AGBL4: variants seen among roughly 807,000 people sequenced by gnomAD.
The protein encoded by AGBL4 is cytosolic carboxypeptidase 6.
A neutral mutation model predicts 66.4 loss-of-function variants in AGBL4; 58 were observed. The observed-to-expected ratio is 0.87, with a 90% CI of 0.71 to 1.09. The LOEUF is 1.09. Among genes scored for constraint, AGBL4 ranks in the 50% least tolerant of loss-of-function variants. The pLI is 0.00. For missense variants in AGBL4, 579 were observed against 631.0 expected (o/e 0.92, Z 0.88); for synonymous variants, 234 against 222.9 (o/e 1.05, Z -0.44).
chr1:48,611,584 T>C (rs576429136), intron 9 of AGBL4, among the ~76,000 whole-genome samples: 2 of 152,338 alleles, frequency 1.3e-5, no homozygotes, highest in South Asian at 2.1e-4. Flanking sequence ...CAGCAATTCT[T>C]ACCATAGAAT....
chr1:48,836,012 C>T (rs1332091483), intron 6 of AGBL4, among the ~76,000 whole-genome samples: 1 of 151,960 alleles, frequency 6.6e-6, no homozygotes, highest in East Asian at 1.9e-4. Flanking sequence ...CAGAAATGAC[C>T]ACATGTACTG....
chr1:48,846,009 G>A (rs77572445), intron 6 of AGBL4, among the ~76,000 whole-genome samples: 1 of 152,160 alleles, frequency 6.6e-6, no homozygotes, highest in Non-Finnish European at 1.5e-5. Flanking sequence ...GGCCAATGTG[G>A]TAGGAAGTCC....
At chr1:49,261,569 A>G (rs1305349597) in intron 3 of AGBL4, among the ~76,000 whole-genome samples, 1 of 151,652 alleles carries the variant, frequency 6.6e-6, no homozygotes, top group Non-Finnish European at 1.5e-5. Context: ...ATTGCTTCAA[A>G]GAGAATAAAA....
At chr1:49,564,101 G>T (rs868680323) in intron 3 of AGBL4, among the ~76,000 whole-genome samples, 1 of 152,140 alleles carries the variant, frequency 6.6e-6, no homozygotes, top group Non-Finnish European at 1.5e-5. Flanking sequence ...GTGCGTAGAG[G>T]TGTTTATAGT....
At chr1:49,559,919 C>A (rs1485359632) in intron 3 of AGBL4, among the ~76,000 whole-genome samples, 1 of 152,064 alleles carries the variant, frequency 6.6e-6, no homozygotes. Context: ...ATACATGTAT[C>A]CTATTACTTC....
chr1:49,821,261 T>C (rs1645363235), intron 2 of AGBL4, among the ~76,000 whole-genome samples: 1 of 152,216 alleles, frequency 6.6e-6, no homozygotes, highest in Admixed American at 6.5e-5. Flanking sequence ...ATATTCAAAA[T>C]GTATCCTCAT....
chr1:49,618,861 G>A (rs1571186360), intron 3 of AGBL4, among the ~76,000 whole-genome samples: 1 of 152,164 alleles, frequency 6.6e-6, no homozygotes, highest in East Asian at 1.9e-4. Context: ...CAGAAGCAAT[G>A]ACAAAAATAC....
intron 1 of AGBL4, among the ~76,000 whole-genome samples, chr1:49,932,306 C>T (rs1653447617): frequency 6.6e-6 from 1 of 150,672 alleles, no homozygotes; most frequent in African/African-American, 2.4e-5. Flanking sequence ...TGTTCACATG[C>T]AAAAAGAAAA....
At chr1:49,601,699 A>C (rs1458993896) in intron 3 of AGBL4, among the ~76,000 whole-genome samples, 1 of 152,214 alleles carries the variant, frequency 6.6e-6, no homozygotes, top group Non-Finnish European at 1.5e-5. Flanking sequence ...TGCAAAAATT[A>C]ACTCAAGATG....
intron 3 of AGBL4, among the ~76,000 whole-genome samples, chr1:49,690,107 T>A (rs997768247): frequency 2.0e-5 from 3 of 152,188 alleles, no homozygotes; most frequent in Admixed American, 6.5e-5. Flanking sequence ...TAAGACTCAC[T>A]GAAGCCTCAG....
At chr1:49,698,382 A>T (rs145466244) in intron 2 of AGBL4, among the ~76,000 whole-genome samples, 132 of 152,288 alleles carry the variant, frequency 8.7e-4, no homozygotes, top group African/African-American at 3.1e-3. Context: ...ATAGAAAATT[A>T]AAGTTTTCTG....
chr1:48,543,830 C>T (rs767056042), intron 11 of AGBL4, among the ~76,000 whole-genome samples: 2 of 152,182 alleles, frequency 1.3e-5, no homozygotes, highest in Non-Finnish European at 2.9e-5. Context: ...CCTACAAGTG[C>T]ATTTTAATTT....
intron 3 of AGBL4, among the ~76,000 whole-genome samples, chr1:49,519,799 C>G (rs1268076218): frequency 6.6e-6 from 1 of 152,008 alleles, no homozygotes; most frequent in Non-Finnish European, 1.5e-5. Context: ...CTAGGTGAGT[C>G]TATGAAGCTG....
At chr1:49,296,219 C>G (rs978095904) in intron 3 of AGBL4, among the ~76,000 whole-genome samples, 6 of 152,134 alleles carry the variant, frequency 3.9e-5, no homozygotes, top group Non-Finnish European at 7.4e-5. Flanking sequence ...ATGTGAACAT[C>G]AATATCTCTA....
chr1:48,725,445 T>C (rs1647220657), intron 6 of AGBL4, among the ~76,000 whole-genome samples: 1 of 152,218 alleles, frequency 6.6e-6, no homozygotes, highest in Admixed American at 6.5e-5. Flanking sequence ...TTGAATGTAA[T>C]AAAACTGCAA....
At chr1:49,837,782 T>A (rs1645890155) in intron 2 of AGBL4, among the ~76,000 whole-genome samples, 1 of 152,158 alleles carries the variant, frequency 6.6e-6, no homozygotes, top group African/African-American at 2.4e-5. Context: ...GAGGCAGAGC[T>A]TGCAGTAAGC....
Position 48,539,668 on chromosome 1 carries a change from CT to C in AGBL4, c.1337del (p.Lys446ArgfsTer14). On this transcript the variant is annotated frameshift_variant, in exon 12 of 14. Coordinates refer to ENST00000371839, the MANE Select transcript of AGBL4 (RefSeq NM_032785.4). LOFTEE classifies it high-confidence loss of function. Reference sequence around the variant, plus strand: ...GCAGTCTCGGCATGGGAATTGCCACCTTTTCAACCACGGGGTTCAGCCGATA... The same window carrying C: ...GCAGTCTCGGCATGGGAATTGCCACCTTTCAACCACGGGGTTCAGCCGATA... The part of the protein sequence containing the change: ...DYYRLNPVVE[K>X]VAIPMPRLRN... 1 of 1,543,736 alleles carries C rather than the reference CT, an allele frequency of 6.5e-7. No homozygotes were observed. Among genetic ancestry groups the C allele is most frequent in the Non-Finnish European group, 8.8e-7 (1 of 1,142,270 alleles).
At chr1:49,502,308 T>C (rs1353036816) in intron 3 of AGBL4, among the ~76,000 whole-genome samples, 10 of 152,084 alleles carry the variant, frequency 6.6e-5, no homozygotes, top group Admixed American at 6.6e-4. Context: ...GTAGTTCACA[T>C]TGTGATTGTG....
At chr1:49,499,595 A>C (rs1647939538) in intron 3 of AGBL4, among the ~76,000 whole-genome samples, 1 of 151,626 alleles carries the variant, frequency 6.6e-6, no homozygotes, top group Admixed American at 6.6e-5. Flanking sequence ...TCCCACTTAT[A>C]AGTGAGAACA....
Sources: gnomAD v4.1 joint callset for allele counts (sites outside exome capture counted in the v4.1 genomes callset) on GRCh38, gnomAD v4.1.1 for gene constraint, MANE v1.5 for transcripts, NCBI Gene and HGNC (gene_info 2026-07-23, HGNC 2026-07-21) for gene names.